The following TMEM176A variants were observed in gnomAD, a reference collection of about 807,000 sequenced individuals.
TMEM176A encodes the protein transmembrane protein 176A.
In TMEM176A, 20 loss-of-function variants were observed where a neutral mutation model predicts 27.9. That is an observed-to-expected ratio of 0.72 (90% confidence interval 0.50 to 1.04). TMEM176A has a LOEUF of 1.04. Among genes scored for constraint, TMEM176A ranks in the 50% least tolerant of loss-of-function variants. TMEM176A has a pLI of 0.00. For synonymous variants in TMEM176A, 125 were observed against 118.0 expected (o/e 1.06, Z -0.38); for missense variants, 252 against 289.1 (o/e 0.87, Z 0.93).
Position 150,803,804 on chromosome 7 carries a change from T to C in TMEM176A, c.527T>C (p.Leu176Pro), listed in dbSNP as rs769963514. 6.2e-7 allele frequency: 1 copy of C among 1,614,046 alleles called. No homozygotes were observed. The highest frequency in any genetic ancestry group is 2.2e-5 in the East Asian group (1 of 44,878). Reference sequence around the variant, plus strand: ...CCAGAAGAAGTCAGAAGGCTACACCTATGTACCTCCTTCATGGACATGCTG... The same window carrying C: ...CCAGAAGAAGTCAGAAGGCTACACCCATGTACCTCCTTCATGGACATGCTG... Reference protein sequence around the residue: ...QSPEEVRRLHLCTSFMDMLKA... With the variant: ...QSPEEVRRLHPCTSFMDMLKA... The change falls in exon 5 of 7, where the codon CTA becomes CCA. Residue 176 changes from leucine (L) to proline (P), a missense_variant. By Grantham distance (98) the Leu-to-Pro change is moderately conservative. Coordinates refer to ENST00000004103, the MANE Select transcript of TMEM176A (RefSeq NM_018487.3).
At chr7:150,803,197 C>G in intron 3 of TMEM176A, 1 of 1,325,188 alleles carries the variant, frequency 7.5e-7, no homozygotes, top group Non-Finnish European at 9.6e-7. Flanking sequence ...TCTTAGGTGT[C>G]ACTAAAGCAG....
Position 150,805,065 on chromosome 7 carries a change from C to G in TMEM176A, c.*197C>G, listed in dbSNP as rs1012075481. On this transcript the variant is annotated 3_prime_UTR_variant, in exon 7 of 7. Transcript: ENST00000004103. ...ACCCCTTCCCCATCCTGCTCCGCTT[C>G]ATGTCCCCTCCTGAGTAGTCATGTG... 3.2e-6 allele frequency: 2 copies of G among 616,350 alleles called. No homozygotes were observed. Among genetic ancestry groups the G allele is most frequent in the Non-Finnish European group, 5.8e-6 (2 of 345,676 alleles). 38.2% of individuals were successfully genotyped at this position (616,350 alleles called of 1,614,324 possible).
intron 3 of TMEM176A, chr7:150,802,765 G>A (rs1273295601): frequency 4.0e-6 from 4 of 1,001,244 alleles, no homozygotes; most frequent in Non-Finnish European, 4.8e-6. Context: ...ATGGGTGTGT[G>A]CAGTTTGCAC....
intron 1 of TMEM176A, 47 bp from the exon 2 acceptor site, chr7:150,801,489 G>A (rs1798784112): frequency 1.3e-6 from 2 of 1,530,828 alleles, no homozygotes; most frequent in Non-Finnish European, 1.8e-6. Flanking sequence ...TGAAATCTGC[G>A]AAAATCTTCT....
chr7:150,804,851 G>A lies in TMEM176A; in HGVS notation c.691G>A (p.Glu231Lys). ...KGKRDQKEML[E>K]VSGI ...GAAAAGAGACCAGAAGGAAATGTTGGAAGTGAGTGGAATCTAGCCATGCCT... is the reference window on the plus strand; with the variant it reads ...GAAAAGAGACCAGAAGGAAATGTTGAAAGTGAGTGGAATCTAGCCATGCCT... The change falls in exon 7 of 7, where the codon GAA becomes AAA. Residue 231 changes from glutamate to lysine, a missense_variant. Coordinates refer to ENST00000004103, the MANE Select transcript of TMEM176A (RefSeq NM_018487.3). The A allele has an allele frequency of 1.2e-6, 2 of 1,614,208 alleles. No homozygotes were observed. Among genetic ancestry groups the A allele is most frequent in the South Asian group, 2.2e-5 (2 of 91,088 alleles).
intron 3 of TMEM176A, 80 bp downstream of exon 3, chr7:150,802,405 C>T (rs1253466248): frequency 1.2e-5 from 15 of 1,257,326 alleles, no homozygotes; most frequent in South Asian, 3.7e-5. Context: ...TCCAACATGG[C>T]GCCACAGAAT....
chr7:150,801,106 C>A (rs189750707), intron 1 of TMEM176A: 4 of 525,344 alleles, frequency 7.6e-6, no homozygotes, highest in Non-Finnish European at 9.8e-6. Context: ...GTATCCGGAG[C>A]GCAGCCGGGG....
Position 150,800,813 on chromosome 7 carries a change from G to A in TMEM176A, c.-31G>A. The A allele has an allele frequency of 5.0e-6, 3 of 604,842 alleles. No homozygotes were observed. The highest frequency in any genetic ancestry group is 6.2e-6 in the Non-Finnish European group (3 of 483,092). 37.5% of individuals were successfully genotyped at this position (604,842 alleles called of 1,614,324 possible). ...CAGCCCTCCCGCCGCCCGCTCGCAGGTCCCGAGGAGCGCAGGTGAGGCGGC... is the reference window on the plus strand; with the variant it reads ...CAGCCCTCCCGCCGCCCGCTCGCAGATCCCGAGGAGCGCAGGTGAGGCGGC... On this transcript the variant is annotated 5_prime_UTR_variant, in exon 1 of 7. Coordinates refer to ENST00000004103, the MANE Select transcript of TMEM176A (RefSeq NM_018487.3).
At chr7:150,801,381 T>TAGCAC in intron 1 of TMEM176A, 155 bp from the exon 2 acceptor site, 1 of 678,170 alleles carries the variant, frequency 1.5e-6, no homozygotes, top group Non-Finnish European at 2.4e-6. Flanking sequence ...CTACACACAT[T>TAGCAC]CCCCTCGTGA....
At chr7:150,801,965 T>C in intron 2 of TMEM176A, 1 of 617,670 alleles carries the variant, frequency 1.6e-6, no homozygotes, top group Non-Finnish European at 2.8e-6. Context: ...AGTCCATCCT[T>C]TCCTCTGGGC....
At position 150,804,443 on chromosome 7, in the gene TMEM176A, T is replaced by C. The variant is rs540577734; in HGVS notation, c.637T>C (p.Tyr213His). ...GGCATCTCTGACCCCTCTGTGGCTG[T>C]ACTGCTGGAGAATGTTCCCAACCAA... Reference protein sequence around the residue: ...LLASLTPLWLYCWRMFPTKGK... With the variant: ...LLASLTPLWLHCWRMFPTKGK... The change falls in exon 6 of 7, where the codon TAC (tyrosine) becomes CAC (histidine). Residue 213 changes from tyrosine (Y) to histidine (H), a missense_variant. By Grantham distance (83) the Tyr-to-His change is moderately conservative (BLOSUM62 2). Transcript: ENST00000004103. The C allele has an allele frequency of 2.5e-6, 4 of 1,614,174 alleles. No individual in the cohort carries two copies. The African/African-American group carries it at 4.0e-5, about 16-fold the overall frequency.
At position 150,804,910 on chromosome 7, in the gene TMEM176A, G is replaced by C. The variant is rs759843218; in HGVS notation, c.*42G>C. ...TATTAGTGCCTGGTGCTTCTGCACC[G>C]GGCGTCCCTGCATCTGACTGCTGGA... is the stretch of plus-strand genomic sequence containing the variant. On this transcript the variant is annotated 3_prime_UTR_variant, in exon 7 of 7. Transcript: ENST00000004103. 2.5e-6 allele frequency: 4 copies of C among 1,593,976 alleles called. No individual in the cohort carries two copies. The Admixed American group carries it at 6.7e-5, about 27-fold the overall frequency.
intron 1 of TMEM176A, 187 bp from the exon 2 acceptor site, chr7:150,801,349 A>T: frequency 2.1e-6 from 1 of 481,368 alleles, no homozygotes; most frequent in Non-Finnish European, 3.4e-6. Context: ...CCGCAGTTCC[A>T]GCATGGTCAG....
chr7:150,801,560 GC>G lies in TMEM176A; in HGVS notation c.12del (p.Asp5ThrfsTer55). 1 of 1,601,662 alleles carries G rather than the reference GC, an allele frequency of 6.2e-7. No homozygotes were observed. The highest frequency in any genetic ancestry group is 1.1e-5 in the South Asian group (1 of 89,042). On this transcript the variant is annotated frameshift_variant, in exon 2 of 7. Transcript: ENST00000004103. LOFTEE classifies it high-confidence loss of function. ...GACTGTGTCCCTGACAATGGGAACA[GC>G]CGACAGTGATGAGATGGCCCCGGAG... MGT[A>X]DSDEMAPEAP...
Position 150,804,918 on chromosome 7 carries a change from C to A in TMEM176A, c.*50C>A, listed in dbSNP as rs1234808468. 3.8e-6 allele frequency: 6 copies of A among 1,578,800 alleles called. No individual in the cohort carries two copies. The highest frequency in any genetic ancestry group is 5.2e-6 in the Non-Finnish European group (6 of 1,147,892). Reference sequence around the variant, plus strand: ...CCTGGTGCTTCTGCACCGGGCGTCCCTGCATCTGACTGCTGGAAGAAGAAC... The same window carrying A: ...CCTGGTGCTTCTGCACCGGGCGTCCATGCATCTGACTGCTGGAAGAAGAAC... On this transcript the variant is annotated 3_prime_UTR_variant, in exon 7 of 7. Transcript: ENST00000004103.
Position 150,804,349 on chromosome 7 carries a change from C to G in TMEM176A, c.556-13C>G. 6.2e-7 allele frequency: 1 copy of G among 1,604,130 alleles called. No homozygotes were observed. The highest frequency in any genetic ancestry group is 1.1e-5 in the South Asian group (1 of 90,878). On this transcript the variant is annotated splice_polypyrimidine_tract_variant and intron_variant, in intron 5 of 6. Transcript: ENST00000004103. ...TCATCCTGGTGCTTATGGCCTTGGC[C>G]CTCTGTCCCCAGGCCTTGTTCAGAA...
chr7:150,802,105 T>TCTTCTC (rs144087116), intron 2 of TMEM176A, 110 bp from the exon 3 acceptor site: 36 of 745,274 alleles, frequency 4.8e-5, no homozygotes, highest in Non-Finnish European at 5.7e-5. Flanking sequence ...TCTTCTCTTC[T>TCTTCTC]TTCTTTCTCT....
chr7:150,804,618 G>A, intron 6 of TMEM176A, 146 bp downstream of exon 6: 3 of 892,010 alleles, frequency 3.4e-6, no homozygotes, highest in Non-Finnish European at 5.2e-6. Flanking sequence ...CTACCCAGTG[G>A]TGGCCCAGCC....
At chr7:150,804,513 G>C in intron 6 of TMEM176A, 41 bp downstream of exon 6, 1 of 1,535,092 alleles carries the variant, frequency 6.5e-7, no homozygotes, top group South Asian at 1.1e-5. Flanking sequence ...TGGGGCAGTG[G>C]AACTGCTCAA....
Sources: allele counts gnomAD v4.1 joint callset, GRCh38; gene constraint gnomAD v4.1.1; transcripts MANE v1.5; gene names NCBI Gene and HGNC (gene_info 2026-07-23, HGNC 2026-07-21).